The following MAN2A1 variants were observed in gnomAD, a reference collection of about 807,000 sequenced individuals.
The protein encoded by MAN2A1 is mannosidase alpha class 2A member 1.
Under a neutral mutation model 142.6 loss-of-function variants are expected in MAN2A1, and 76 were observed. The ratio of observed to expected loss-of-function variants is 0.53; its 90% CI spans 0.44 to 0.65. The LOEUF is 0.65. Among genes scored for constraint, MAN2A1 ranks in the 30% least tolerant of loss-of-function variants. The pLI is 0.00. For missense variants in MAN2A1, 1,311 were observed against 1,365.1 expected (o/e 0.96, Z 0.62); for synonymous variants, 559 against 473.2 (o/e 1.18, Z -2.35).
At chr5:109,750,196 C>T (rs1400251588) in intron 4 of MAN2A1, among the ~76,000 whole-genome samples, 1 of 151,992 alleles carries the variant, frequency 6.6e-6, no homozygotes, top group East Asian at 1.9e-4. Context: ...GTTTTTCTTT[C>T]ACTCATCAGA....
At chr5:109,760,613 T>G (rs1752816106) in intron 5 of MAN2A1, among the ~76,000 whole-genome samples, 1 of 152,216 alleles carries the variant, frequency 6.6e-6, no homozygotes, top group Non-Finnish European at 1.5e-5. Context: ...AAAGCATTCC[T>G]ATTTCTCCAC....
chr5:109,759,585 A>G (rs1157017952), intron 5 of MAN2A1, among the ~76,000 whole-genome samples: 1 of 152,156 alleles, frequency 6.6e-6, no homozygotes, highest in African/African-American at 2.4e-5. Flanking sequence ...TTATGGGCAT[A>G]TGTTTTCCTT....
intron 4 of MAN2A1, among the ~76,000 whole-genome samples, chr5:109,734,481 C>G (rs1752024797): frequency 6.6e-6 from 1 of 152,130 alleles, no homozygotes; most frequent in South Asian, 2.1e-4. Context: ...AATTTTGGAT[C>G]TTTCCTGCTG....
chr5:109,692,405 A>T (rs888295433), intron 1 of MAN2A1, among the ~76,000 whole-genome samples: 3 of 152,124 alleles, frequency 2.0e-5, no homozygotes, highest in Non-Finnish European at 4.4e-5. Flanking sequence ...GAAAGAAGGT[A>T]TTCTTTAAGT....
At chr5:109,853,243 C>T (rs1227015284) in intron 19 of MAN2A1, among the ~76,000 whole-genome samples, 6 of 152,076 alleles carry the variant, frequency 3.9e-5, no homozygotes, top group African/African-American at 7.2e-5. Context: ...TGGCACTTCC[C>T]GGCACAGGGT....
chr5:109,737,284 G>A (rs900635472), intron 4 of MAN2A1, among the ~76,000 whole-genome samples: 3 of 151,716 alleles, frequency 2.0e-5, no homozygotes, highest in Non-Finnish European at 2.9e-5. Flanking sequence ...TAGAGACAGG[G>A]TTTCACCATG....
At chr5:109,810,953 T>C (rs972382500) in intron 12 of MAN2A1, among the ~76,000 whole-genome samples, 2 of 151,966 alleles carry the variant, frequency 1.3e-5, no homozygotes, top group African/African-American at 4.8e-5. Flanking sequence ...AGTGTTTATA[T>C]TTCTGTTGAT....
At chr5:109,768,286 C>T (rs1030039999) in intron 6 of MAN2A1, among the ~76,000 whole-genome samples, 15 of 152,160 alleles carry the variant, frequency 9.9e-5, no homozygotes, top group Non-Finnish European at 4.4e-5. Flanking sequence ...CCTTTCTCAA[C>T]CCCTATTTAA....
At chr5:109,694,924 G>C (rs752516427) in intron 1 of MAN2A1, among the ~76,000 whole-genome samples, 4 of 152,106 alleles carry the variant, frequency 2.6e-5, no homozygotes, top group Non-Finnish European at 5.9e-5. Context: ...TTGGTGCTGG[G>C]GTTTGTTCAC....
At chr5:109,829,021 T>A (rs1305650375) in intron 16 of MAN2A1, among the ~76,000 whole-genome samples, 2 of 152,082 alleles carry the variant, frequency 1.3e-5, no homozygotes, top group Non-Finnish European at 2.9e-5. Context: ...CTTCAAAAAG[T>A]TTGTGGACAA....
chr5:109,717,598 A>T (rs907899242), intron 3 of MAN2A1, among the ~76,000 whole-genome samples: 1 of 152,108 alleles, frequency 6.6e-6, no homozygotes, highest in African/African-American at 2.4e-5. Flanking sequence ...TATATTTTAG[A>T]TTGTCTTTCT....
At chr5:109,788,675 G>A (rs1753660360) in intron 10 of MAN2A1, among the ~76,000 whole-genome samples, 1 of 151,796 alleles carries the variant, frequency 6.6e-6, no homozygotes, top group Admixed American at 6.6e-5. Flanking sequence ...TTCATAGAAA[G>A]TATACATAGT....
chr5:109,729,575 G>T, intron 4 of MAN2A1, 62 bp downstream of exon 4: 1 of 855,082 alleles, frequency 1.2e-6, no homozygotes. Flanking sequence ...AATGAACTAA[G>T]TATTGAATTT....
intron 6 of MAN2A1, among the ~76,000 whole-genome samples, chr5:109,769,286 AT>A (rs1310390719): frequency 6.6e-6 from 1 of 152,238 alleles, no homozygotes; most frequent in African/African-American, 2.4e-5. Flanking sequence ...AACTAAATTG[AT>A]AAAACTGGAA....
chr5:109,743,357 CAATAGT>C (rs755059910), intron 4 of MAN2A1, among the ~76,000 whole-genome samples: 6 of 152,162 alleles, frequency 3.9e-5, no homozygotes, highest in Non-Finnish European at 7.3e-5. Context: ...TAGTTAGTGG[CAATAGT>C]AAGAGATAAG....
chr5:109,773,737 A>C (rs1753211646), intron 7 of MAN2A1, among the ~76,000 whole-genome samples: 1 of 152,190 alleles, frequency 6.6e-6, no homozygotes, highest in Non-Finnish European at 1.5e-5. Context: ...ATGAGATTTA[A>C]ATTTAGTTAA....
intron 2 of MAN2A1, among the ~76,000 whole-genome samples, chr5:109,714,561 C>CT (rs1751401105): frequency 6.6e-6 from 1 of 152,202 alleles, no homozygotes; most frequent in African/African-American, 2.4e-5. Flanking sequence ...TTCTGCCTTT[C>CT]TTAAACTCAG....
At chr5:109,739,253 A>T (rs1396373357) in intron 4 of MAN2A1, among the ~76,000 whole-genome samples, 1 of 152,076 alleles carries the variant, frequency 6.6e-6, no homozygotes, top group Non-Finnish European at 1.5e-5. Flanking sequence ...TACTTTATTT[A>T]TGAAATTTCA....
chr5:109,827,685 C>A (rs1012174135), intron 16 of MAN2A1, among the ~76,000 whole-genome samples: 3 of 152,160 alleles, frequency 2.0e-5, no homozygotes, highest in Non-Finnish European at 4.4e-5. Context: ...AATAAAAGAA[C>A]ACTCTGTTTT....
Sources: gnomAD v4.1 joint callset for allele counts (sites outside exome capture counted in the v4.1 genomes callset) on GRCh38, gnomAD v4.1.1 for gene constraint, MANE v1.5 for transcripts, NCBI Gene and HGNC (gene_info 2026-07-23, HGNC 2026-07-21) for gene names.